Variants in MTSS2 observed in about 807,000 individuals in gnomAD.
MTSS2 encodes MTSS I-BAR domain containing 2.
MTSS2 carries 27 observed loss-of-function variants against 67.1 expected under a neutral mutation model. The observed-to-expected ratio is 0.40, with a 90% CI of 0.30 to 0.55. The LOEUF is 0.55. Ranked by LOEUF, MTSS2 falls within the 20% of genes least tolerant of loss-of-function variation. MTSS2 has a pLI of 0.43. For synonymous variants in MTSS2, 624 were observed against 468.6 expected, an observed-to-expected ratio of 1.33 and a Z score of -4.28; for missense variants, 1,171 against 1,067.8, an observed-to-expected ratio of 1.10 and a Z score of -1.35.
chr16:70,673,560 A>C (rs914655495), intron 11 of MTSS2, among the ~76,000 whole-genome samples: 1 of 152,232 alleles, frequency 6.6e-6, no homozygotes, highest in Non-Finnish European at 1.5e-5. Flanking sequence ...AAGAACTTCT[A>C]AAAGATGTTT....
At chr16:70,683,808 C>T (rs2053374434) in intron 1 of MTSS2, among the ~76,000 whole-genome samples, 1 of 152,194 alleles carries the variant, frequency 6.6e-6, no homozygotes, top group African/African-American at 2.4e-5. Flanking sequence ...GCTCAGGCCA[C>T]CGAGGGGAAA....
intron 1 of MTSS2, among the ~76,000 whole-genome samples, chr16:70,684,566 G>T (rs1054709731): frequency 2.6e-5 from 4 of 152,186 alleles, no homozygotes; most frequent in African/African-American, 9.7e-5. Flanking sequence ...TGTACTGGGT[G>T]GTGTCACCCC....
Position 70,680,867 on chromosome 16 carries a change from C to T in MTSS2, c.132G>A (p.Arg44=). The change falls in exon 3 of 15, where the codon AGG becomes AGA. Residue 44 remains arginine, a splice_region_variant and synonymous_variant. Coordinates refer to ENST00000338779, the MANE Select transcript of MTSS2 (RefSeq NM_138383.3). ...AGGCCACAGCAGCCAGCACGGTGGT[C>T]CTGGGGAGAGGGACAACGGCATGGA... ...SKATKLHSQL[R]TTVLAAVAFL... 2 of 1,414,014 alleles carry T rather than the reference C, an allele frequency of 1.4e-6. No homozygotes were observed. The highest frequency in any genetic ancestry group is 2.4e-5 in the South Asian group (2 of 82,826). 87.6% of individuals were successfully genotyped at this position (1,414,014 alleles called of 1,614,324 possible).
At position 70,665,096 on chromosome 16, in the gene MTSS2, C is replaced by T; in HGVS notation, c.1129G>A (p.Asp377Asn). ...TCATGGGAGCCGACCTTGGACCAGTCCTGCAGGGAGGGTGTGGCAGGTCAG... is the reference window on the plus strand; with the variant it reads ...TCATGGGAGCCGACCTTGGACCAGTTCTGCAGGGAGGGTGTGGCAGGTCAG... ...SVSECSSPTS[D>N]WSKVGSHEQP... The change falls in exon 13 of 15, where the codon GAC becomes AAC. Residue 377 changes from aspartate (D) to asparagine (N), a missense_variant and splice_region_variant. Around this residue, in one of 2 missense-constraint regions of MTSS2, gnomAD observed 924 missense variants for 756.0 expected, o/e 1.22. Coordinates refer to ENST00000338779, the MANE Select transcript of MTSS2 (RefSeq NM_138383.3). The T allele has an allele frequency of 6.3e-7, 1 of 1,592,350 alleles. No homozygotes were observed. The highest frequency in any genetic ancestry group is 8.5e-7 in the Non-Finnish European group (1 of 1,176,914).
Position 70,679,692 on chromosome 16 carries a change from G to C in MTSS2, c.395C>G (p.Ala132Gly). The C allele has an allele frequency of 6.2e-7, 1 of 1,611,434 alleles. No homozygotes were observed. Among genetic ancestry groups the C allele is most frequent in the Non-Finnish European group, 8.5e-7 (1 of 1,178,966 alleles). ...CGACTTCTTTTTGATCTCATGCCGG[G>C]CTCGTTTGTACTCTGCAGAAGGGGA... ...DKDHAKEYKRARHEIKKKSSD... is the reference protein window; with the variant it reads ...DKDHAKEYKRGRHEIKKKSSD... Residue 132 changes from alanine (A) to glycine (G), a missense_variant, in exon 6 of 15, where the codon GCC becomes GGC. By Grantham distance (60) the Ala-to-Gly change is moderately conservative. Transcript: ENST00000338779.
chr16:70,680,670 G>T, intron 3 of MTSS2, 124 bp downstream of exon 3: 1 of 821,648 alleles, frequency 1.2e-6, no homozygotes, highest in Non-Finnish European at 2.0e-6. Flanking sequence ...ACTCCACTAA[G>T]GAGCAGAACT....
chr16:70,676,572 C>T (rs181887022), intron 10 of MTSS2, among the ~76,000 whole-genome samples: 4 of 152,306 alleles, frequency 2.6e-5, no homozygotes, highest in South Asian at 4.1e-4. Context: ...ATTCCTGATA[C>T]AGCAGTGTTA....
chr16:70,678,468 C>A, intron 7 of MTSS2, 59 bp from the exon 8 acceptor site: 2 of 1,560,888 alleles, frequency 1.3e-6, no homozygotes, highest in Admixed American at 1.8e-5. Flanking sequence ...GCCACACCCA[C>A]AAATGGGCTC....
intron 11 of MTSS2, among the ~76,000 whole-genome samples, chr16:70,672,370 A>T (rs1455174035): frequency 1.3e-5 from 2 of 150,200 alleles, no homozygotes; most frequent in African/African-American, 4.9e-5. Context: ...AAAGGAAAAG[A>T]GAAAAACCCG....
Position 70,674,368 on chromosome 16 carries a change from C to T in MTSS2, c.991G>A (p.Val331Ile), listed in dbSNP as rs372613605. The T allele has an allele frequency of 5.6e-6, 9 of 1,614,094 alleles. No homozygotes were observed. Among genetic ancestry groups the T allele is most frequent in the South Asian group, 3.3e-5 (3 of 91,068 alleles). ...SSVSSHDSGF[V>I]SQDATYSKPP... ...TTGGAGTAGGTGGCGTCCTGGGAGACGAAGCCAGAGTCATGGGAGGAAACG... is the reference window on the plus strand; with the variant it reads ...TTGGAGTAGGTGGCGTCCTGGGAGATGAAGCCAGAGTCATGGGAGGAAACG... The change falls in exon 11 of 15, where the codon GTC becomes ATC. Residue 331 changes from valine (V) to isoleucine (I), a missense_variant. Val to Ile is a conservative substitution (Grantham distance 29, BLOSUM62 3). Coordinates refer to ENST00000338779, the MANE Select transcript of MTSS2 (RefSeq NM_138383.3).
chr16:70,663,977 T>G lies in MTSS2; in HGVS notation c.1944A>C (p.Pro648=), dbSNP rs993998816. ...CGGGGTACCCGGCTGCCTCTGGGGATGGGCTGCCCCAGGCTGTGTTGGGCA... is the reference window on the plus strand; with the variant it reads ...CGGGGTACCCGGCTGCCTCTGGGGAGGGGCTGCCCCAGGCTGTGTTGGGCA... ...LSLPNTAWGS[P]SPEAAGYPGA... Residue 648 remains proline, a synonymous_variant, in exon 15 of 15, where the codon CCA becomes CCC. Transcript: ENST00000338779. 5 of 1,580,426 alleles carry G rather than the reference T, an allele frequency of 3.2e-6. No individual in the cohort carries two copies. Among genetic ancestry groups the G allele is most frequent in the Admixed American group, 1.8e-5 (1 of 55,224 alleles).
intron 10 of MTSS2, among the ~76,000 whole-genome samples, chr16:70,676,549 T>G (rs2053121079): frequency 6.6e-6 from 1 of 152,200 alleles, no homozygotes; most frequent in Admixed American, 6.5e-5. Flanking sequence ...TTCTGTAAAA[T>G]GGAGATGACA....
At position 70,679,802 on chromosome 16, in the gene MTSS2, G is replaced by A. The variant is rs1804010629; in HGVS notation, c.366C>T (p.Asp122=). The A allele has an allele frequency of 6.2e-7, 1 of 1,610,670 alleles. No homozygotes were observed. The highest frequency in any genetic ancestry group is 1.7e-5 in the Admixed American group (1 of 59,956). The part of the protein sequence containing the change: ...EDWKKAANQL[D]KDHAKEYKRA... ...CACCCTCACCTTTCGCGTGGTCCTT[G>A]TCCAGCTGGTTGGCCGCCTTCTTCC... Residue 122 remains aspartate, a synonymous_variant, in exon 5 of 15, where the codon GAC becomes GAT. Transcript: ENST00000338779.
At chr16:70,665,120 AG>A (rs1269758077) in intron 12 of MTSS2, 24 bp from the exon 13 acceptor site, 4 of 1,578,154 alleles carry the variant, frequency 2.5e-6, no homozygotes, top group Admixed American at 1.7e-5. Context: ...GTGGCAGGTC[AG>A]GGGGACCACT....
chr16:70,664,012 T>C lies in MTSS2; in HGVS notation c.1909A>G (p.Arg637Gly), dbSNP rs1390323085. The change falls in exon 15 of 15, where the codon AGG becomes GGG. Residue 637 changes from arginine to glycine, a missense_variant. Transcript: ENST00000338779. ...CAGGCTGTGTTGGGCAGGCTGAGCC[T>C]CTTTGGGGAGGCCTTGGCGAGGTCC... ...APDLAKASPKRLSLPNTAWGS... is the reference protein window; with the variant it reads ...APDLAKASPKGLSLPNTAWGS... The C allele has an allele frequency of 1.2e-6, 2 of 1,603,498 alleles. No individual in the cohort carries two copies. The highest frequency in any genetic ancestry group is 1.7e-6 in the Non-Finnish European group (2 of 1,176,082).
intron 1 of MTSS2, among the ~76,000 whole-genome samples, chr16:70,684,744 G>A (rs189708470): frequency 3.3e-5 from 5 of 152,336 alleles, no homozygotes; most frequent in African/African-American, 1.2e-4. Context: ...CACGGCAGGA[G>A]GGCAGGAATA....
chr16:70,663,921 AGCTG>A lies in MTSS2; in HGVS notation c.1996_1999del (p.Gln666TrpfsTer101). The A allele has an allele frequency of 6.4e-7, 1 of 1,552,126 alleles. No individual in the cohort carries two copies. Among genetic ancestry groups the A allele is most frequent in the Non-Finnish European group, 8.7e-7 (1 of 1,150,778 alleles). On this transcript the variant is annotated frameshift_variant, in exon 15 of 15. Coordinates refer to ENST00000338779, the MANE Select transcript of MTSS2 (RefSeq NM_138383.3). LOFTEE classifies it low-confidence loss of function (END_TRUNC). Reference sequence around the variant, plus strand: ...CACCAGGCTGTGCCGGTTGGCCGCCAGCTGCTGCTGCTCGTCCTCGGCCCCTGCC... The same window carrying A: ...CACCAGGCTGTGCCGGTTGGCCGCCACTGCTGCTCGTCCTCGGCCCCTGCC...
At chr16:70,673,305 T>A (rs975681078) in intron 11 of MTSS2, among the ~76,000 whole-genome samples, 3 of 152,080 alleles carry the variant, frequency 2.0e-5, no homozygotes, top group Non-Finnish European at 1.5e-5. Context: ...AGAGAAGGCC[T>A]AAAAGTGCCC....
chr16:70,665,176 CTCAGGGTGTCCAGGGCTA>C lies in MTSS2; in HGVS notation c.1129-98_1129-81del, dbSNP rs760920550. Reference sequence around the variant, plus strand: ...CGGGGGCCCGTCACTGTGGCTGAGGCTCAGGGTGTCCAGGGCTATCAGGGGGTCTCTGGTTCGCAATCA... The same window carrying C: ...CGGGGGCCCGTCACTGTGGCTGAGGCTCAGGGGGTCTCTGGTTCGCAATCA... On this transcript the variant is annotated intron_variant, in intron 12 of 14. Coordinates refer to ENST00000338779, the MANE Select transcript of MTSS2 (RefSeq NM_138383.3). 2.0e-6 allele frequency: 3 copies of C among 1,470,584 alleles called. No individual in the cohort carries two copies. The African/African-American group carries it at 4.2e-5, about 20-fold the overall frequency. 91.1% of individuals were successfully genotyped at this position (1,470,584 alleles called of 1,614,324 possible). A position where few individuals can be genotyped will look rare whatever the true frequency, so the allele number is the denominator to read the frequency against.
Sources: gnomAD v4.1 joint callset for allele counts (sites outside exome capture counted in the v4.1 genomes callset) on GRCh38, gnomAD v4.1.1 for gene constraint, gnomAD v4.1.1 regional missense constraint, MANE v1.5 for transcripts, NCBI Gene and HGNC (gene_info 2026-07-23, HGNC 2026-07-21) for gene names.